ITPR2: variants seen among roughly 807,000 people sequenced by gnomAD.
ITPR2 encodes the protein inositol 1,4,5-trisphosphate-gated calcium channel ITPR2.
Under a neutral mutation model 317.1 loss-of-function variants are expected in ITPR2, and 207 were observed. That is an observed-to-expected ratio of 0.65 (90% confidence interval 0.58 to 0.73). The LOEUF (loss-of-function observed/expected upper bound fraction) is 0.73. Among genes scored for constraint, ITPR2 ranks in the 30% least tolerant of loss-of-function variants. ITPR2 has a pLI of 0.00. For synonymous variants in ITPR2, 1,156 were observed against 1,149.1 expected (o/e 1.01, Z -0.12); for missense variants, 2,613 against 3,284.0 (o/e 0.80, Z 4.99).
At chr12:26,824,137 A>G (rs541929157) in intron 1 of ITPR2, among the ~76,000 whole-genome samples, 1 of 152,202 alleles carries the variant, frequency 6.6e-6, no homozygotes, top group Non-Finnish European at 1.5e-5. Flanking sequence ...GTGTTCTCAG[A>G]ACACTTACGT....
chr12:26,785,461 C>T (rs1950215721), intron 2 of ITPR2, among the ~76,000 whole-genome samples: 1 of 84,154 alleles, frequency 1.2e-5, no homozygotes, highest in African/African-American at 3.7e-5. Flanking sequence ...GCCGGCCGCC[C>T]CGTCCGGGAG....
intron 10 of ITPR2, among the ~76,000 whole-genome samples, chr12:26,694,226 C>T (rs1948293234): frequency 6.6e-6 from 1 of 152,188 alleles, no homozygotes; most frequent in Non-Finnish European, 1.5e-5. Flanking sequence ...CAAAACAAGA[C>T]CATTCCCTAA....
chr12:26,832,590 C>T, intron 1 of ITPR2, 100 bp downstream of exon 1: 1 of 865,120 alleles, frequency 1.2e-6, no homozygotes, highest in Non-Finnish European at 1.7e-6. Flanking sequence ...GGCCGGGCCA[C>T]CACGCGCGGC....
At chr12:26,356,994 G>C (rs892364229) in intron 55 of ITPR2, among the ~76,000 whole-genome samples, 1 of 152,200 alleles carries the variant, frequency 6.6e-6, no homozygotes, top group Non-Finnish European at 1.5e-5. Context: ...ACATGATGAA[G>C]CCAGTCTGAT....
At position 26,717,073 on chromosome 12, in the gene ITPR2, A is replaced by T. The variant is rs185454982; in HGVS notation, c.526-831T>A. Among the ~76,000 whole-genome samples the T allele has an allele frequency of 5.0e-4, 76 of 152,324 alleles. No individual in the cohort carries two copies. The East Asian group carries it at 0.014, about 28-fold the overall frequency. On this transcript the variant is annotated intron_variant, in intron 5 of 56. Transcript: ENST00000381340. Reference sequence around the variant, plus strand: ...AATTTCCATTATTAAAGTTACTTACATTGCTGAATTTATTTAGAAGACATA... The same window carrying T: ...AATTTCCATTATTAAAGTTACTTACTTTGCTGAATTTATTTAGAAGACATA...
intron 21 of ITPR2, among the ~76,000 whole-genome samples, chr12:26,644,083 A>G (rs1288688206): frequency 1.3e-5 from 2 of 152,146 alleles, no homozygotes; most frequent in African/African-American, 4.8e-5. Context: ...TGGAAGAATG[A>G]CCCCAGCAGA....
In ITPR2 at chr12:26,483,874, T is replaced by G; in HGVS notation, c.5836A>C (p.Lys1946Gln). 6.2e-7 allele frequency: 1 copy of G among 1,614,188 alleles called. No individual in the cohort carries two copies. The highest frequency in any genetic ancestry group is 8.5e-7 in the Non-Finnish European group (1 of 1,180,020). ...TCACAGACTAGGTTGTAATTTGTTT[T>G]GTTGTTTTGATTCCTCAAGAAGTTC... Reference protein sequence around the residue: ...LQNFLRNQNNKTNYNLVCETL... With the variant: ...LQNFLRNQNNQTNYNLVCETL... The change falls in exon 42 of 57, where the codon AAA becomes CAA. Residue 1946 changes from lysine to glutamine, a missense_variant. Transcript: ENST00000381340.
chr12:26,830,013 C>A (rs1024446817), intron 1 of ITPR2, among the ~76,000 whole-genome samples: 13 of 152,242 alleles, frequency 8.5e-5, no homozygotes, highest in African/African-American at 3.1e-4. Flanking sequence ...AAGTGATTCT[C>A]CTGCCTCAGC....
intron 32 of ITPR2, among the ~76,000 whole-genome samples, chr12:26,583,906 T>C (rs2137081904): frequency 6.6e-6 from 1 of 152,330 alleles, no homozygotes; most frequent in African/African-American, 2.4e-5. Context: ...AATCCATCTT[T>C]TGAAATATTT....
intron 2 of ITPR2, among the ~76,000 whole-genome samples, chr12:26,757,077 C>T (rs892052459): frequency 2.0e-5 from 3 of 152,174 alleles, no homozygotes; most frequent in African/African-American, 4.8e-5. Flanking sequence ...CAGGAATTAC[C>T]CTATATGGTC....
At chr12:26,430,314 A>G (rs1454433477) in intron 48 of ITPR2, among the ~76,000 whole-genome samples, 3 of 152,336 alleles carry the variant, frequency 2.0e-5, no homozygotes, top group African/African-American at 7.2e-5. Context: ...CCCAGGCTGG[A>G]GTGCAGTGGC....
Position 26,589,853 on chromosome 12 carries a change from T to TATATAC in ITPR2, c.4380+5611_4380+5612insGTATAT, listed in dbSNP as rs780511857. Among the ~76,000 whole-genome samples the TATATAC allele has an allele frequency of 3.7e-3, 210 of 57,312 alleles. 5 individuals are homozygous for TATATAC. Among genetic ancestry groups the TATATAC allele is most frequent in the East Asian group, 0.023 (72 of 3,182 alleles). 37.6% of individuals were successfully genotyped at this position (57,312 alleles called of 152,430 possible). On this transcript the variant is annotated intron_variant, in intron 32 of 56. Coordinates refer to ENST00000381340, the MANE Select transcript of ITPR2 (RefSeq NM_002223.4). ...ATAAACATATATATATATATATATATACACACACACACACACACACACACA... is the reference window on the plus strand; with the variant it reads ...ATAAACATATATATATATATATATATATATACACACACACACACACACACACACACA...
intron 37 of ITPR2, among the ~76,000 whole-genome samples, chr12:26,499,815 T>G (rs1943031029): frequency 6.6e-6 from 1 of 152,150 alleles, no homozygotes. Context: ...TATTAATCAG[T>G]CCTTAGAATT....
At position 26,436,339 on chromosome 12, in the gene ITPR2, A is replaced by C; in HGVS notation, c.6651T>G (p.Pro2217=). ...TGTGCCTCGAGAACCAGAACAGTGC[A>C]GGGTTATCTAGGAAGTGAGAAATGT... ...MKWQKKIRNN[P]ALFWFSRHIS... is the part of the protein sequence containing the mutation. Residue 2217 remains proline, a synonymous_variant, in exon 48 of 57, where the codon CCT becomes CCG. Transcript: ENST00000381340. 1 of 1,605,210 alleles carries C rather than the reference A, an allele frequency of 6.2e-7. No individual in the cohort carries two copies. Among genetic ancestry groups the C allele is most frequent in the Non-Finnish European group, 8.5e-7 (1 of 1,177,620 alleles).
chr12:26,583,812 A>G (rs1420199343), intron 32 of ITPR2, among the ~76,000 whole-genome samples: 1 of 152,222 alleles, frequency 6.6e-6, no homozygotes, highest in Non-Finnish European at 1.5e-5. Context: ...CTAACTCCAC[A>G]GAATGAAATG....
At chr12:26,757,316 A>G (rs1051589172) in intron 2 of ITPR2, among the ~76,000 whole-genome samples, 1 of 151,800 alleles carries the variant, frequency 6.6e-6, no homozygotes, top group African/African-American at 2.4e-5. Context: ...CCTGGGTTTA[A>G]GTGATTCTCC....
intron 34 of ITPR2, among the ~76,000 whole-genome samples, chr12:26,577,228 A>G (rs1467385569): frequency 6.6e-6 from 1 of 152,246 alleles, no homozygotes; most frequent in Admixed American, 6.5e-5. Flanking sequence ...ATGTCCCTCC[A>G]TAGGAGGGTA....
intron 30 of ITPR2, among the ~76,000 whole-genome samples, chr12:26,598,313 T>C (rs1027640738): frequency 7.9e-5 from 12 of 152,226 alleles, no homozygotes; most frequent in African/African-American, 2.7e-4. Flanking sequence ...CAGGAGGGAC[T>C]CCTTGAATCA....
chr12:26,779,929 T>A (rs1950047620), intron 2 of ITPR2, among the ~76,000 whole-genome samples: 1 of 152,172 alleles, frequency 6.6e-6, no homozygotes, highest in Admixed American at 6.5e-5. Context: ...CCTCTCTGAG[T>A]GGTCAAAAAC....
Sources: allele counts gnomAD v4.1 joint callset (sites outside exome capture counted in the v4.1 genomes callset), GRCh38; gene constraint gnomAD v4.1.1; transcripts MANE v1.5; gene names NCBI Gene and HGNC (gene_info 2026-07-23, HGNC 2026-07-21).